GMNC: variants seen among roughly 807,000 people sequenced by gnomAD.
GMNC encodes the protein geminin coiled-coil domain-containing protein 1.
A neutral mutation model predicts 33.6 loss-of-function variants in GMNC; 16 were observed. The observed-to-expected ratio is 0.48, with a 90% confidence interval of 0.32 to 0.72. The LOEUF (loss-of-function observed/expected upper bound fraction) is 0.72. Ranked by LOEUF, GMNC falls within the 30% of genes least tolerant of loss-of-function variation. The pLI, the probability that GMNC is intolerant of heterozygous loss-of-function variation, is 0.03. For missense variants in GMNC, 393 were observed against 388.9 expected (o/e 1.01, Z -0.09); for synonymous variants, 156 against 147.3 (o/e 1.06, Z -0.43).
chr3:190,862,605 T>C lies in GMNC; in HGVS notation c.3+8A>G. 1.3e-6 allele frequency: 2 copies of C among 1,551,158 alleles called. No individual in the cohort carries two copies. Among genetic ancestry groups the C allele is most frequent in the Non-Finnish European group, 1.7e-6 (2 of 1,146,052 alleles). ...CAGCGGACTAGCTAACGCCAGTTCC[T>C]CACTTACCATCTTGCAGTGGAAGAA... On this transcript the variant is annotated splice_region_variant and intron_variant, in intron 1 of 4. Transcript: ENST00000442080. The surrounding 1 kb of genome is among the most constrained non-coding windows in gnomAD (Gnocchi z 4.5).
the GMNC span, among the ~76,000 whole-genome samples, chr3:190,844,069 G>A: frequency 1.3e-5 from 2 of 152,182 alleles, no homozygotes; most frequent in East Asian, 3.9e-4. Flanking sequence ...AAAACGTCTT[G>A]AGTATTTGTT....
chr3:190,850,149 C>A (rs9872656), downstream of GMNC, among the ~76,000 whole-genome samples: 110 of 152,024 alleles, frequency 7.2e-4, no homozygotes, highest in African/African-American at 2.3e-3. Flanking sequence ...GTGAACAAGC[C>A]CTGTTAGCAA....
the GMNC span, among the ~76,000 whole-genome samples, chr3:190,844,047 C>A: frequency 1.9e-4 from 29 of 152,052 alleles, 1 homozygote; most frequent in Non-Finnish European, 3.7e-4. Context: ...TATCATCATT[C>A]CATTTAGAAA....
intron 1 of GMNC, 58 bp from the exon 2 acceptor site, chr3:190,860,916 T>C (rs1180826739): frequency 6.4e-6 from 8 of 1,246,200 alleles, no homozygotes. Context: ...GATGGAGATT[T>C]AGAAGGGGGA....
intron 3 of GMNC, 25 bp from the exon 4 acceptor site, chr3:190,857,924 G>A (rs1018843086): frequency 1.2e-5 from 15 of 1,240,280 alleles, no homozygotes; most frequent in Non-Finnish European, 1.7e-5. Context: ...CAGTGGTGAA[G>A]GCTGCTCCAC....
downstream of GMNC, among the ~76,000 whole-genome samples, chr3:190,850,676 A>G (rs1050241061): frequency 6.6e-6 from 1 of 152,180 alleles, no homozygotes; most frequent in African/African-American, 2.4e-5. Flanking sequence ...TGTGTCCGCG[A>G]GCCTAATCTT....
At position 190,860,876 on chromosome 3, in the gene GMNC, G is replaced by A. The variant is rs567758187; in HGVS notation, c.4-18C>T. 11 of 1,515,880 alleles carry A rather than the reference G, an allele frequency of 7.3e-6. No individual in the cohort carries two copies. The highest frequency in any genetic ancestry group is 8.9e-6 in the Non-Finnish European group (10 of 1,121,206). The allele number at this position is 1,515,880 out of a possible 1,614,324, so 93.9% of individuals were successfully genotyped here. On this transcript the variant is annotated intron_variant, in intron 1 of 4. Coordinates refer to ENST00000442080, the MANE Select transcript of GMNC (RefSeq NM_001146686.3). ...ATGGTGTTCTGTGAAATTCAGTATGGGGGGAGTGAGGGGTCCCAAAAGATG... is the reference window on the plus strand; with the variant it reads ...ATGGTGTTCTGTGAAATTCAGTATGAGGGGAGTGAGGGGTCCCAAAAGATG...
In GMNC at chr3:190,861,478, CTATCTATCT is replaced by C. The variant is rs1737868580; in HGVS notation, c.4-629_4-621del. Reference sequence around the variant, plus strand: ...ATCATCTATCTATCTATCTATCTATCTATCTATCTATCTATCTATCTATCTATCTATCTC... The same window carrying C: ...ATCATCTATCTATCTATCTATCTATCATCTATCTATCTATCTATCTATCTC... On this transcript the variant is annotated intron_variant, in intron 1 of 4. Coordinates refer to ENST00000442080, the MANE Select transcript of GMNC (RefSeq NM_001146686.3). This position sits in a 1 kb window ranked among gnomAD's most constrained non-coding sequence, Gnocchi z 5.1. Among the ~76,000 whole-genome samples the C allele has an allele frequency of 6.6e-6, 1 of 151,858 alleles. No homozygotes were observed.
chr3:190,859,081 AT>A, intron 2 of GMNC, 65 bp from the exon 3 acceptor site: 1 of 955,824 alleles, frequency 1.0e-6, no homozygotes, highest in Non-Finnish European at 1.6e-6. Flanking sequence ...AAAGAAACTT[AT>A]CAAATCAAAT....
chr3:190,859,099 G>A, intron 2 of GMNC, 83 bp from the exon 3 acceptor site: 1 of 801,876 alleles, frequency 1.2e-6, no homozygotes, highest in Non-Finnish European at 2.0e-6. Context: ...AAATCAGAAA[G>A]TTTAATAGGT....
intron 4 of GMNC, among the ~76,000 whole-genome samples, chr3:190,856,727 C>T (rs953201695): frequency 4.0e-5 from 6 of 151,490 alleles, no homozygotes; most frequent in African/African-American, 1.5e-4. Flanking sequence ...AAACACTATA[C>T]AACACTGCTT....
Position 190,860,769 on chromosome 3 carries a change from A to C in GMNC, c.93T>G (p.Val31=). 1 of 1,551,578 alleles carries C rather than the reference A, an allele frequency of 6.4e-7. No individual in the cohort carries two copies. Among genetic ancestry groups the C allele is most frequent in the Non-Finnish European group, 8.7e-7 (1 of 1,146,928 alleles). ...PYSTTTSESS[V]DVSTETWVSF... ...AGACCCAAGTCTCCGTGGAAACGTC[A>C]ACACTAGATTCTGACGTTGTAGTGG... The change falls in exon 2 of 5, where the codon GTT becomes GTG. Residue 31 remains valine (V), a synonymous_variant. Coordinates refer to ENST00000442080, the MANE Select transcript of GMNC (RefSeq NM_001146686.3).
At chr3:190,852,057 T>C (rs1737643725), downstream of GMNC, among the ~76,000 whole-genome samples, 2 of 151,712 alleles carry the variant, frequency 1.3e-5, no homozygotes, top group South Asian at 4.1e-4. Flanking sequence ...AAACAAATTC[T>C]ATTTGATTTA....
chr3:190,857,168 G>A (rs1463859511), intron 4 of GMNC, among the ~76,000 whole-genome samples: 1 of 149,668 alleles, frequency 6.7e-6, no homozygotes, highest in Non-Finnish European at 1.5e-5. Flanking sequence ...ATGAACAAAA[G>A]AAGACTACTG....
Position 190,861,698 on chromosome 3 carries a change from C to G in GMNC, c.4-840G>C, listed in dbSNP as rs894151046. Among the ~76,000 whole-genome samples the G allele has an allele frequency of 1.3e-5, 2 of 152,154 alleles. No individual in the cohort carries two copies. The highest frequency in any genetic ancestry group is 4.8e-5 in the African/African-American group (2 of 41,450). On this transcript the variant is annotated intron_variant, in intron 1 of 4. Transcript: ENST00000442080. This position sits in a 1 kb window ranked among gnomAD's most constrained non-coding sequence, Gnocchi z 5.1. ...CTTGCCATTAACTGGCATGTATTCT[C>G]CACTGTGTTCTGATCCAGTGAACAC...
chr3:190,847,043 T>C, the GMNC span, among the ~76,000 whole-genome samples: 1 of 152,244 alleles, frequency 6.6e-6, no homozygotes, highest in African/African-American at 2.4e-5. Flanking sequence ...TTTTGTCTCT[T>C]ATAATTTGGA....
At chr3:190,856,935 C>G (rs1371771394) in intron 4 of GMNC, among the ~76,000 whole-genome samples, 1 of 151,426 alleles carries the variant, frequency 6.6e-6, no homozygotes, top group Non-Finnish European at 1.5e-5. Context: ...AAAATATTCT[C>G]TTTTTAACAA....
Position 190,855,698 on chromosome 3 carries a change from A to C in GMNC, c.602T>G (p.Ile201Ser). 1 of 1,551,614 alleles carries C rather than the reference A, an allele frequency of 6.4e-7. No individual in the cohort carries two copies. Among genetic ancestry groups the C allele is most frequent in the Non-Finnish European group, 8.7e-7 (1 of 1,146,920 alleles). Residue 201 changes from isoleucine (I) to serine (S), a missense_variant, in exon 5 of 5, where the codon ATC becomes AGC. Physicochemically the swap from Ile to Ser is moderately radical, Grantham distance 142 (BLOSUM62 -2). Transcript: ENST00000442080. ...GTAGTTAGCTGATGAGGTGTCATCG[A>C]TAGTGTCAAGGTCTTTTAACCCAAG... is the stretch of plus-strand genomic sequence containing the variant. ...QTLGLKDLDT[I>S]DDTSSANYSA...
chr3:190,848,287 T>C (rs1387452961), downstream of GMNC, among the ~76,000 whole-genome samples: 1 of 152,226 alleles, frequency 6.6e-6, no homozygotes, highest in Non-Finnish European at 1.5e-5. Context: ...TACACCATTT[T>C]ATAAAAACCT....
Sources: allele counts gnomAD v4.1 joint callset (sites outside exome capture counted in the v4.1 genomes callset), GRCh38; gene constraint gnomAD v4.1.1; non-coding constraint Gnocchi (gnomAD v3.1); transcripts MANE v1.5; gene names NCBI Gene and HGNC (gene_info 2026-07-23, HGNC 2026-07-21).